The following RBMS3 variants were observed in gnomAD, a reference collection of about 807,000 sequenced individuals.
The protein encoded by RBMS3 is RNA binding motif single stranded interacting protein 3, also known as RNA-binding motif, single-stranded-interacting protein 3.
In RBMS3, 27 loss-of-function variants were observed where a neutral mutation model predicts 66.8. The ratio of observed to expected loss-of-function variants is 0.40; its 90% CI spans 0.30 to 0.56. RBMS3 has a LOEUF of 0.56. Ranked by LOEUF, RBMS3 falls within the 20% of genes least tolerant of loss-of-function variation. The probability of loss-of-function intolerance (pLI) is 0.40; values close to 1 mark genes in which losing one functional copy is unlikely to be tolerated. For missense variants in RBMS3, 513 were observed against 549.5 expected (o/e 0.93, Z 0.66); for synonymous variants, 188 against 183.0 (o/e 1.03, Z -0.22).
chr3:29,288,591 A>C (rs1026639138), intron 1 of RBMS3, among the ~76,000 whole-genome samples: 5 of 152,024 alleles, frequency 3.3e-5, no homozygotes, highest in Non-Finnish European at 2.9e-5. Context: ...TCCTCTCTAC[A>C]GGTGGTGCAG....
At chr3:29,351,721 T>C (rs1356205663) in intron 1 of RBMS3, among the ~76,000 whole-genome samples, 3 of 152,126 alleles carry the variant, frequency 2.0e-5, no homozygotes, top group South Asian at 2.1e-4. Context: ...TTAAAATATA[T>C]GTATAATAAT....
chr3:29,493,906 A>G (rs1441486431), intron 3 of RBMS3, among the ~76,000 whole-genome samples: 2 of 152,222 alleles, frequency 1.3e-5, no homozygotes, highest in Admixed American at 6.5e-5. Flanking sequence ...CAAAATCATT[A>G]AGAGCATCAA....
At chr3:29,784,911 T>C (rs557847631) in intron 6 of RBMS3, among the ~76,000 whole-genome samples, 2 of 152,076 alleles carry the variant, frequency 1.3e-5, no homozygotes, top group East Asian at 3.9e-4. Flanking sequence ...CACCTTTACA[T>C]GCATAAACTG....
intron 3 of RBMS3, among the ~76,000 whole-genome samples, chr3:29,547,975 A>G (rs1029501715): frequency 6.6e-6 from 1 of 151,988 alleles, no homozygotes; most frequent in Non-Finnish European, 1.5e-5. Context: ...TTATATTATT[A>G]GTAGAGACGG....
chr3:29,671,388 C>A (rs2149246205), intron 4 of RBMS3, among the ~76,000 whole-genome samples: 1 of 152,354 alleles, frequency 6.6e-6, no homozygotes, highest in South Asian at 2.1e-4. Flanking sequence ...CAAACGAACA[C>A]AGCTCCTCGC....
chr3:29,758,972 G>T (rs894011260), intron 5 of RBMS3, among the ~76,000 whole-genome samples: 1 of 152,096 alleles, frequency 6.6e-6, no homozygotes, highest in Non-Finnish European at 1.5e-5. Flanking sequence ...TAAATGACAG[G>T]ATGGGTTTGT....
rs146043452 is a variant in RBMS3 at position 29,760,286 on chromosome 3, T to TAC, written c.558-2609_558-2608dup. Among the ~76,000 whole-genome samples, 847 of 145,984 alleles carry TAC rather than the reference T, an allele frequency of 5.8e-3. 16 individuals carry two copies. The highest frequency in any genetic ancestry group is 0.036 in the Admixed American group (528 of 14,774). ...ACACACACATACACACACACACCCC[T>TAC]ACACACACACACACACCCCTAGTAT... On this transcript the variant is annotated intron_variant, in intron 5 of 14. Coordinates refer to ENST00000383767, the MANE Select transcript of RBMS3 (RefSeq NM_001003793.3).
intron 6 of RBMS3, among the ~76,000 whole-genome samples, chr3:29,854,585 G>A (rs1355466888): frequency 6.6e-6 from 1 of 152,170 alleles, no homozygotes; most frequent in African/African-American, 2.4e-5. Flanking sequence ...TTTCATGGTC[G>A]TAGAGAAAGG....
intron 4 of RBMS3, among the ~76,000 whole-genome samples, chr3:29,675,777 A>C (rs2051222051): frequency 6.6e-6 from 1 of 152,192 alleles, no homozygotes; most frequent in South Asian, 2.1e-4. Flanking sequence ...GTCAGGAAAC[A>C]ATAGGTGCTG....
chr3:29,852,251 G>A (rs557348711), intron 6 of RBMS3, among the ~76,000 whole-genome samples: 39 of 152,228 alleles, frequency 2.6e-4, no homozygotes, highest in African/African-American at 8.9e-4. Context: ...AATAGGAATG[G>A]GCAAAGATTT....
intron 12 of RBMS3, among the ~76,000 whole-genome samples, chr3:29,965,915 G>T (rs540192591): frequency 6.6e-6 from 1 of 152,290 alleles, no homozygotes; most frequent in African/African-American, 2.4e-5. Flanking sequence ...TAAGGTGAGA[G>T]ATGAGGATCC....
intron 1 of RBMS3, among the ~76,000 whole-genome samples, chr3:29,383,775 A>G (rs932748058): frequency 1.3e-5 from 2 of 152,160 alleles, no homozygotes; most frequent in African/African-American, 4.8e-5. Context: ...TTGCTCTTCT[A>G]CTTACTAACA....
chr3:29,599,436 A>G lies in RBMS3; in HGVS notation c.399+12231A>G, dbSNP rs1486820339. 2.6e-5 allele frequency among the ~76,000 whole-genome samples: 4 copies of G among 152,108 alleles called. No individual in the cohort carries two copies. The East Asian group carries it at 7.7e-4, about 29-fold the overall frequency. ...TAAATCTAAAAAAAGAAAATAGAAA[A>G]AAAAGTGAGTGGCGGTCTAACATAA... is the stretch of plus-strand genomic sequence containing the variant. On this transcript the variant is annotated intron_variant, in intron 4 of 14. Transcript: ENST00000383767.
chr3:29,527,883 TTG>T (rs1365524767), intron 3 of RBMS3, among the ~76,000 whole-genome samples: 2 of 145,120 alleles, frequency 1.4e-5, no homozygotes, highest in African/African-American at 5.1e-5. Flanking sequence ...AACCTGCACA[TTG>T]TGCACATGTA....
intron 1 of RBMS3, among the ~76,000 whole-genome samples, chr3:29,289,555 T>C (rs937716229): frequency 3.3e-5 from 5 of 151,712 alleles, no homozygotes; most frequent in African/African-American, 1.2e-4. Context: ...AATCCAAATA[T>C]AGACATATAA....
intron 3 of RBMS3, among the ~76,000 whole-genome samples, chr3:29,578,792 T>TAAAGGGGTTACCCCATATGTAGAA (rs1203023269): frequency 1.7e-5 from 2 of 116,576 alleles, no homozygotes; most frequent in South Asian, 3.3e-4. Context: ...ACATGCTTCT[T>TAAAGGGGTTACCCCATATGTAGAA]TTTTTTTTTT....
intron 1 of RBMS3, among the ~76,000 whole-genome samples, chr3:29,298,080 C>A (rs1039922821): frequency 6.6e-6 from 1 of 151,804 alleles, no homozygotes; most frequent in Non-Finnish European, 1.5e-5. Context: ...TTGCCTTTAC[C>A]AAGCTCTTCA....
chr3:29,285,653 G>C (rs749962625), intron 1 of RBMS3, among the ~76,000 whole-genome samples: 10 of 152,282 alleles, frequency 6.6e-5, no homozygotes, highest in Middle Eastern at 3.4e-3. Context: ...TGTGTTCAGA[G>C]CCTGGTATGA....
chr3:29,828,957 C>A (rs2149485121), intron 6 of RBMS3, among the ~76,000 whole-genome samples: 1 of 151,642 alleles, frequency 6.6e-6, no homozygotes, highest in East Asian at 2.0e-4. Flanking sequence ...CTTTGGCATC[C>A]AGCCTGCTGT....
Sources: gnomAD v4.1 joint callset for allele counts (sites outside exome capture counted in the v4.1 genomes callset) on GRCh38, gnomAD v4.1.1 for gene constraint, MANE v1.5 for transcripts, NCBI Gene and HGNC (gene_info 2026-07-23, HGNC 2026-07-21) for gene names.